ADISSP: variants seen among roughly 807,000 people sequenced by gnomAD.
ADISSP encodes the protein adipose secreted signaling protein, also known as adipose-secreted signaling protein.
chr20:3,764,054 G>A, the ADISSP span, among the ~76,000 whole-genome samples: 4 of 152,224 alleles, frequency 2.6e-5, no homozygotes, highest in African/African-American at 7.2e-5. Flanking sequence ...CAGGGCCACT[G>A]TGGGGTCAGT....
chr20:3,756,776 T>C, the ADISSP span, among the ~76,000 whole-genome samples: 1 of 152,164 alleles, frequency 6.6e-6, no homozygotes, highest in African/African-American at 2.4e-5. Context: ...TTCGCTGCCC[T>C]ATTTATAACA....
the ADISSP span, chr20:3,767,818 AGGGT>A: frequency 1.3e-5 from 2 of 152,036 alleles, no homozygotes; most frequent in Non-Finnish European, 2.9e-5. Context: ...TTGATCTGGG[AGGGT>A]GGGGCGAGGG....
chr20:3,760,968 G>GA, the ADISSP span, among the ~76,000 whole-genome samples: 8 of 152,198 alleles, frequency 5.3e-5, no homozygotes, highest in Admixed American at 3.3e-4. Flanking sequence ...GAGATTATTA[G>GA]AAAAGAAGAG....
the ADISSP span, chr20:3,753,562 A>G: frequency 1.2e-5 from 2 of 163,414 alleles, no homozygotes; most frequent in African/African-American, 4.8e-5. Context: ...CCAGTCGCTT[A>G]AAAACCAAGT....
chr20:3,753,646 G>A, the ADISSP span: 14 of 249,126 alleles, frequency 5.6e-5, no homozygotes, highest in Admixed American at 1.0e-4. Context: ...TGGGGACTAG[G>A]GAGGGGCAGG....
chr20:3,756,529 G>T, the ADISSP span, among the ~76,000 whole-genome samples: 6 of 152,354 alleles, frequency 3.9e-5, no homozygotes, highest in Non-Finnish European at 8.8e-5. Context: ...GGGCTGGGCA[G>T]CCCCATCCCT....
chr20:3,758,015 CAG>C, the ADISSP span, among the ~76,000 whole-genome samples: 779 of 151,758 alleles, frequency 5.1e-3, 7 homozygotes, highest in African/African-American at 0.016. This position sits in a 1 kb window ranked among gnomAD's most constrained non-coding sequence, Gnocchi z 5.5. Context: ...AAGCAGAAAA[CAG>C]GGGGTGATAA....
the ADISSP span, chr20:3,754,668 G>A: frequency 3.8e-4 from 297 of 789,722 alleles, no homozygotes; most frequent in African/African-American, 4.6e-3. Flanking sequence ...CTGGAGCCCA[G>A]AGACCCATTC....
At chr20:3,762,698 AT>A in the ADISSP span, among the ~76,000 whole-genome samples, 1 of 152,226 alleles carries the variant, frequency 6.6e-6, no homozygotes, top group South Asian at 2.1e-4. Flanking sequence ...ACTACACTTC[AT>A]TCACTTACAT....
the ADISSP span, among the ~76,000 whole-genome samples, chr20:3,761,127 T>C: frequency 2.0e-5 from 3 of 152,334 alleles, no homozygotes; most frequent in Admixed American, 6.5e-5. Flanking sequence ...ATTGCCCTGG[T>C]GGTTGATGGA....
chr20:3,762,776 A>G, the ADISSP span, among the ~76,000 whole-genome samples: 1 of 152,254 alleles, frequency 6.6e-6, no homozygotes, highest in Non-Finnish European at 1.5e-5. Flanking sequence ...TATGGCCTGC[A>G]AAGTCTAAAC....
At chr20:3,754,698 G>A in the ADISSP span, among the ~76,000 whole-genome samples, 4 of 152,214 alleles carry the variant, frequency 2.6e-5, no homozygotes, top group Admixed American at 2.6e-4. Flanking sequence ...GGGGTGCACA[G>A]GTCTCAAAAA....
At chr20:3,753,897 G>A in the ADISSP span, 1 of 621,548 alleles carries the variant, frequency 1.6e-6, no homozygotes, top group East Asian at 2.8e-5. Context: ...GGGGCAGGGT[G>A]GCAGCACAAA....
At chr20:3,759,838 C>G in the ADISSP span, among the ~76,000 whole-genome samples, 1 of 152,184 alleles carries the variant, frequency 6.6e-6, no homozygotes, top group Admixed American at 6.5e-5. This position sits in a 1 kb window ranked among gnomAD's most constrained non-coding sequence, Gnocchi z 4.6. Flanking sequence ...GAGCACACAC[C>G]TCCACAGACC....
At chr20:3,760,662 G>A in the ADISSP span, among the ~76,000 whole-genome samples, 1 of 152,180 alleles carries the variant, frequency 6.6e-6, no homozygotes, top group Non-Finnish European at 1.5e-5. Context: ...CAAGAACAGG[G>A]GACCACATAA....
the ADISSP span, among the ~76,000 whole-genome samples, chr20:3,758,190 G>A: frequency 6.6e-6 from 1 of 152,330 alleles, no homozygotes; most frequent in South Asian, 2.1e-4. The surrounding 1 kb of genome is among the most constrained non-coding windows in gnomAD (Gnocchi z 5.5). Context: ...CCACTTGAGA[G>A]AAAAGAAACT....
the ADISSP span, among the ~76,000 whole-genome samples, chr20:3,756,131 G>C: frequency 1.3e-5 from 2 of 152,182 alleles, no homozygotes; most frequent in Middle Eastern, 3.2e-3. Flanking sequence ...AGATAGCGTG[G>C]GATGAGGGAT....
the ADISSP span, chr20:3,755,725 A>G: frequency 1.2e-6 from 1 of 810,846 alleles, no homozygotes; most frequent in Admixed American, 2.4e-5. Flanking sequence ...GAGAGCCCAG[A>G]AAGCCCAACT....
the ADISSP span, chr20:3,754,129 C>A: frequency 6.2e-7 from 1 of 1,613,336 alleles, no homozygotes. Context: ...TTGACACCAT[C>A]CAGCAGCATG....
Sources: allele counts gnomAD v4.1 joint callset (sites outside exome capture counted in the v4.1 genomes callset), GRCh38; gene constraint gnomAD v4.1.1; non-coding constraint Gnocchi (gnomAD v3.1); transcripts MANE v1.5; gene names NCBI Gene and HGNC (gene_info 2026-07-23, HGNC 2026-07-21).